CCDC18: variants seen among roughly 807,000 people sequenced by gnomAD.
CCDC18 encodes the protein coiled-coil domain containing 18, also known as coiled-coil domain-containing protein 18.
CCDC18 carries 157 observed loss-of-function variants against 196.0 expected under a neutral mutation model. The observed-to-expected ratio is 0.80, with a 90% CI of 0.70 to 0.91. The LOEUF is 0.91. CCDC18 is among the 40% of genes least tolerant of loss of function. CCDC18 has a pLI of 0.00. For synonymous variants in CCDC18, 482 were observed against 529.2 expected (o/e 0.91, Z 1.22); for missense variants, 1,465 against 1,611.6 (o/e 0.91, Z 1.56).
chr1:93,183,089 G>A (rs1650004977), intron 1 of CCDC18, among the ~76,000 whole-genome samples: 1 of 152,120 alleles, frequency 6.6e-6, no homozygotes, highest in African/African-American at 2.4e-5. Context: ...TTGTTAGGAA[G>A]ATCAGGTATG....
intron 25 of CCDC18, among the ~76,000 whole-genome samples, chr1:93,258,046 A>G (rs1030749999): frequency 6.6e-6 from 1 of 151,086 alleles, no homozygotes; most frequent in African/African-American, 2.4e-5. Context: ...GGAAGAATTA[A>G]TTAAAAGACA....
chr1:93,184,072 A>T lies in CCDC18; in HGVS notation c.229A>T (p.Asn77Tyr), dbSNP rs750688770. Residue 77 changes from asparagine to tyrosine, a missense_variant, in exon 3 of 29, where the codon AAT becomes TAT. Transcript: ENST00000690025. ...TCAGCCTAGCCACCCTGGACTTTTG[A>T]ATTATTCACCTTATGAAAACGTCTG... The part of the protein sequence containing the change: ...DVQPSHPGLL[N>Y]YSPYENVCKI... 1 of 1,586,598 alleles carries T rather than the reference A, an allele frequency of 6.3e-7. No homozygotes were observed. The highest frequency in any genetic ancestry group is 1.7e-5 in the Admixed American group (1 of 58,984).
At chr1:93,271,637 C>A in intron 28 of CCDC18, 1 of 703,200 alleles carries the variant, frequency 1.4e-6, no homozygotes, top group Non-Finnish European at 1.7e-6. Flanking sequence ...GAGTTTGAGA[C>A]AAGTATGGGC....
chr1:93,239,840 T>C lies in CCDC18; in HGVS notation c.2925T>C (p.Ala975=). The C allele has an allele frequency of 1.2e-6, 2 of 1,613,368 alleles. No individual in the cohort carries two copies. The highest frequency in any genetic ancestry group is 4.5e-5 in the East Asian group (2 of 44,826). Residue 975 remains alanine, a synonymous_variant, in exon 21 of 29, where the codon GCT becomes GCC. Transcript: ENST00000690025. ...LQELRDVLQK[A]QLSLEEKYTT... ...AATTGAGAGATGTACTACAGAAGGC[T>C]CAATTATCATTAGAGGAAAAATACA...
At chr1:93,181,056 C>T (rs1243990830) in intron 1 of CCDC18, among the ~76,000 whole-genome samples, 1 of 151,232 alleles carries the variant, frequency 6.6e-6, no homozygotes, top group Non-Finnish European at 1.5e-5. Context: ...GTGGCTTACG[C>T]CTGTTACCTC....
intron 23 of CCDC18, among the ~76,000 whole-genome samples, chr1:93,248,697 CAGGCACGG>C (rs1021550054): frequency 6.6e-6 from 1 of 151,922 alleles, no homozygotes; most frequent in Non-Finnish European, 1.5e-5. Context: ...AGAAGTGGGC[CAGGCACGG>C]TGGTGCGTGC....
At chr1:93,232,807 C>T (rs1422969885) in intron 18 of CCDC18, among the ~76,000 whole-genome samples, 1 of 152,140 alleles carries the variant, frequency 6.6e-6, no homozygotes, top group African/African-American at 2.4e-5. Flanking sequence ...CTCGTCTCTA[C>T]TAAAAATACA....
At position 93,210,926 on chromosome 1, in the gene CCDC18, G is replaced by A. The variant is rs768571211; in HGVS notation, c.1334G>A (p.Arg445Lys). 2 of 1,612,880 alleles carry A rather than the reference G, an allele frequency of 1.2e-6. No homozygotes were observed. The highest frequency in any genetic ancestry group is 1.3e-5 in the African/African-American group (1 of 74,832). The change falls in exon 10 of 29, where the codon AGA becomes AAA. Residue 445 changes from arginine to lysine, a missense_variant and splice_region_variant. Coordinates refer to ENST00000690025, the MANE Select transcript of CCDC18 (RefSeq NM_001378204.1). ...AATAAATTGGTGATTTCGGAATTGA[G>A]GTACAATTTTCAGATTCTGCAGTTA... ...EANKLVISEL[R>K]IKLAIKEAEI...
At chr1:93,206,029 G>A (rs762883293) in intron 8 of CCDC18, among the ~76,000 whole-genome samples, 8 of 151,920 alleles carry the variant, frequency 5.3e-5, no homozygotes, top group Non-Finnish European at 1.0e-4. Context: ...CAGAAGCCCC[G>A]AGAGTAGCCA....
At chr1:93,254,418 T>C in intron 23 of CCDC18, 53 bp from the exon 24 acceptor site, 1 of 1,346,252 alleles carries the variant, frequency 7.4e-7, no homozygotes, top group Non-Finnish European at 1.0e-6. Flanking sequence ...ACAGCATTGA[T>C]TAAATTACAT....
chr1:93,264,717 A>T lies in CCDC18; in HGVS notation c.3701A>T (p.Glu1234Val), dbSNP rs1160243710. 1 of 1,610,276 alleles carries T rather than the reference A, an allele frequency of 6.2e-7. No individual in the cohort carries two copies. Among genetic ancestry groups the T allele is most frequent in the Non-Finnish European group, 8.5e-7 (1 of 1,176,940 alleles). ...AYHMEMISHQ[E>V]NHAKWKISAD... The stretch of plus-strand genomic sequence containing the variant: ...GCTATATAGATGATTTCACATCAAG[A>T]GAACCATGCAAAGTGGAAGATTTCT... Residue 1234 changes from glutamate to valine, a missense_variant, in exon 27 of 29, where the codon GAG (glutamate) becomes GTG (valine). Coordinates refer to ENST00000690025, the MANE Select transcript of CCDC18 (RefSeq NM_001378204.1).
intron 28 of CCDC18, among the ~76,000 whole-genome samples, chr1:93,274,417 ATAG>A (rs959204931): frequency 3.9e-5 from 6 of 152,088 alleles, no homozygotes. Flanking sequence ...AAATAAATAA[ATAG>A]TAGGAGTTAA....
rs1303231464 is a variant in CCDC18 at position 93,265,065 on chromosome 1, T to C, written c.3885+164T>C. The C allele has an allele frequency of 5.2e-6, 3 of 574,948 alleles. No individual in the cohort carries two copies. In the East Asian group the frequency reaches 8.9e-5, roughly 17 times the overall value. 35.6% of individuals were successfully genotyped at this position (574,948 alleles called of 1,614,324 possible). A position where few individuals can be genotyped will look rare whatever the true frequency, so the allele number is the denominator to read the frequency against. On this transcript the variant is annotated intron_variant, in intron 27 of 28. Coordinates refer to ENST00000690025, the MANE Select transcript of CCDC18 (RefSeq NM_001378204.1). The stretch of plus-strand genomic sequence containing the variant: ...TGTTGAATTTAGGAAATTATTAAGA[T>C]GATGTACATCTTATTACCGTAGAAG...
intron 19 of CCDC18, 107 bp downstream of exon 19, chr1:93,236,497 C>G: frequency 9.7e-7 from 1 of 1,026,828 alleles, no homozygotes; most frequent in Non-Finnish European, 1.4e-6. Context: ...GAATTAATGT[C>G]TCCATAGTCT....
chr1:93,252,960 G>A (rs1394428077), intron 23 of CCDC18, among the ~76,000 whole-genome samples: 1 of 152,238 alleles, frequency 6.6e-6, no homozygotes, highest in Non-Finnish European at 1.5e-5. Flanking sequence ...CTGTGGGAAT[G>A]CTTGCCAGGG....
At chr1:93,270,845 A>G (rs1259260667) in intron 28 of CCDC18, 31 bp downstream of exon 28, 1 of 1,374,698 alleles carries the variant, frequency 7.3e-7, no homozygotes, top group Non-Finnish European at 9.5e-7. Context: ...AAACTGTAAT[A>G]ATTTGTTTCC....
chr1:93,237,062 C>T (rs1347486760), intron 19 of CCDC18, among the ~76,000 whole-genome samples: 1 of 152,178 alleles, frequency 6.6e-6, no homozygotes, highest in East Asian at 1.9e-4. Flanking sequence ...CTTCTACCAA[C>T]AGGAGTCAAG....
At chr1:93,239,256 AAGTT>A in intron 19 of CCDC18, 50 bp from the exon 20 acceptor site, 1 of 1,330,824 alleles carries the variant, frequency 7.5e-7, no homozygotes, top group Non-Finnish European at 1.0e-6. Context: ...AGTCAGAGAC[AAGTT>A]AGTTGGTTAA....
rs1557684985 is a variant in CCDC18 at position 93,246,886 on chromosome 1, C to CA, written c.3136dup (p.Ile1046AsnfsTer3). ...TCGTGAGCACAGAGGAGAAATGGAA[C>CA]AAAAAATAATTAAATTAGAAGGTAC... is the stretch of plus-strand genomic sequence containing the variant. On this transcript the variant is annotated frameshift_variant, in exon 23 of 29. Coordinates refer to ENST00000690025, the MANE Select transcript of CCDC18 (RefSeq NM_001378204.1). LOFTEE classifies it high-confidence loss of function. The CA allele has an allele frequency of 1.3e-6, 2 of 1,544,786 alleles. No individual in the cohort carries two copies. Among genetic ancestry groups the CA allele is most frequent in the East Asian group, 4.6e-5 (2 of 43,422 alleles).
Sources: allele counts gnomAD v4.1 joint callset (sites outside exome capture counted in the v4.1 genomes callset), GRCh38; gene constraint gnomAD v4.1.1; transcripts MANE v1.5; gene names NCBI Gene and HGNC (gene_info 2026-07-23, HGNC 2026-07-21).